HPSE2: variants seen among roughly 807,000 people sequenced by gnomAD.
HPSE2 encodes heparanase 2 (inactive), also known as inactive heparanase-2.
In HPSE2, 38 loss-of-function variants were observed where a neutral mutation model predicts 60.5. That is an observed-to-expected ratio of 0.63 (90% CI 0.48 to 0.82). The LOEUF is 0.82. HPSE2 is among the 40% of genes least tolerant of loss of function. The probability of loss-of-function intolerance (pLI) is 0.00; values close to 1 mark genes in which losing one functional copy is unlikely to be tolerated. For synonymous variants in HPSE2, 295 were observed against 293.2 expected, an observed-to-expected ratio of 1.01 and a Z score of -0.06; for missense variants, 713 against 740.4, an observed-to-expected ratio of 0.96 and a Z score of 0.43.
At chr10:98,929,697 T>C (rs529418598) in intron 3 of HPSE2, among the ~76,000 whole-genome samples, 1 of 143,946 alleles carries the variant, frequency 6.9e-6, no homozygotes, top group Non-Finnish European at 1.5e-5. Context: ...TCTATTTCGA[T>C]AAAGAAAGTC....
intron 3 of HPSE2, among the ~76,000 whole-genome samples, chr10:98,882,425 C>A (rs770497111): frequency 6.6e-6 from 1 of 151,830 alleles, no homozygotes; most frequent in Non-Finnish European, 1.5e-5. Context: ...GAGTCAGTTG[C>A]GGCTCTGCTG....
At chr10:99,266,051 CT>C in the HPSE2 span, among the ~76,000 whole-genome samples, 12 of 152,330 alleles carry the variant, frequency 7.9e-5, no homozygotes, top group African/African-American at 2.9e-4. Flanking sequence ...ACCAGAGGAA[CT>C]GGGAAAAGAC....
At chr10:98,849,858 C>G (rs970391267) in intron 3 of HPSE2, among the ~76,000 whole-genome samples, 1 of 152,200 alleles carries the variant, frequency 6.6e-6, no homozygotes, top group Non-Finnish European at 1.5e-5. Flanking sequence ...GATTCTCCTG[C>G]CTCAGCCTCC....
chr10:99,039,318 A>AGTT lies in HPSE2; in HGVS notation c.610+104917_610+104919dup, dbSNP rs112864428. Among the ~76,000 whole-genome samples the AGTT allele has an allele frequency of 1.9e-3, 291 of 152,092 alleles. 1 individual carries two copies. The highest frequency in any genetic ancestry group is 6.9e-3 in the African/African-American group (286 of 41,442). Reference sequence around the variant, plus strand: ...CATTCTGAGTAGATACATAGATCTAAGTTTTCACTCCTTGCTACCACTTAT... The same window carrying AGTT: ...CATTCTGAGTAGATACATAGATCTAAGTTGTTTTCACTCCTTGCTACCACTTAT... On this transcript the variant is annotated intron_variant, in intron 3 of 11. Coordinates refer to ENST00000370552, the MANE Select transcript of HPSE2 (RefSeq NM_021828.5).
At chr10:98,547,548 C>A (rs1320024614) in intron 9 of HPSE2, among the ~76,000 whole-genome samples, 1 of 146,438 alleles carries the variant, frequency 6.8e-6, no homozygotes, top group African/African-American at 2.5e-5. Flanking sequence ...AGTAAACTAT[C>A]GCAAGGACAA....
At chr10:98,555,140 A>G (rs990296826) in intron 9 of HPSE2, among the ~76,000 whole-genome samples, 9 of 152,214 alleles carry the variant, frequency 5.9e-5, no homozygotes, top group African/African-American at 2.2e-4. Flanking sequence ...TGTTCCTTTC[A>G]GCTCTAAGGA....
chr10:99,226,236 CCACCTAAGTCT>C (rs1457171321), intron 2 of HPSE2, among the ~76,000 whole-genome samples: 2 of 151,980 alleles, frequency 1.3e-5, no homozygotes, highest in Non-Finnish European at 2.9e-5. Flanking sequence ...TATCTAACTC[CCACCTAAGTCT>C]CACCAGCATT....
Position 98,462,661 on chromosome 10 carries a change from T to C in HPSE2, c.1614-2922A>G, listed in dbSNP as rs1044914402. Reference sequence around the variant, plus strand: ...CTGGATGGCGTTTTGTTTTCGTTTTTGTTTTTGTTTTTTTGAGAGGGAGCC... The same window carrying C: ...CTGGATGGCGTTTTGTTTTCGTTTTCGTTTTTGTTTTTTTGAGAGGGAGCC... On this transcript the variant is annotated intron_variant, in intron 11 of 11. Coordinates refer to ENST00000370552, the MANE Select transcript of HPSE2 (RefSeq NM_021828.5). Among the ~76,000 whole-genome samples the C allele has an allele frequency of 1.4e-4, 21 of 150,118 alleles. No individual in the cohort carries two copies. The East Asian group carries it at 2.5e-3, about 18-fold the overall frequency.
Position 98,502,277 on chromosome 10 carries a change from G to A in HPSE2, c.1321-12081C>T, listed in dbSNP as rs570590916. The stretch of plus-strand genomic sequence containing the variant: ...CAAAAAGAACAAATTGAGAGGCATC[G>A]CACACTACCTGATTTCAAACTATAC... On this transcript the variant is annotated intron_variant, in intron 9 of 11. Coordinates refer to ENST00000370552, the MANE Select transcript of HPSE2 (RefSeq NM_021828.5). Among the ~76,000 whole-genome samples, 24 of 152,106 alleles carry A rather than the reference G, an allele frequency of 1.6e-4. No individual in the cohort carries two copies. The South Asian group carries it at 3.3e-3, about 21-fold the overall frequency.
intron 2 of HPSE2, among the ~76,000 whole-genome samples, chr10:99,190,014 T>C (rs1012666951): frequency 2.6e-5 from 4 of 152,176 alleles, no homozygotes; most frequent in Non-Finnish European, 4.4e-5. Flanking sequence ...ATCTCCACTG[T>C]CTTTCTCTCT....
At chr10:98,636,322 C>T (rs1226304270) in intron 7 of HPSE2, among the ~76,000 whole-genome samples, 2 of 151,838 alleles carry the variant, frequency 1.3e-5, no homozygotes, top group Non-Finnish European at 2.9e-5. Context: ...TCACTGCAAC[C>T]TCCGCCTCCT....
At chr10:98,976,124 T>C (rs954072231) in intron 3 of HPSE2, among the ~76,000 whole-genome samples, 7 of 152,282 alleles carry the variant, frequency 4.6e-5, no homozygotes, top group African/African-American at 1.2e-4. Context: ...ATCTCTGAGA[T>C]AGACTTTTGG....
chr10:98,656,352 TG>T (rs982688465), intron 6 of HPSE2, among the ~76,000 whole-genome samples: 6 of 152,212 alleles, frequency 3.9e-5, no homozygotes, highest in Admixed American at 3.9e-4. Context: ...CCCAAAGTGC[TG>T]GGATTACAGG....
At chr10:98,638,360 G>A (rs557206789) in intron 7 of HPSE2, among the ~76,000 whole-genome samples, 1 of 150,104 alleles carries the variant, frequency 6.7e-6, no homozygotes, top group South Asian at 2.1e-4. Flanking sequence ...CAGGAGAAAG[G>A]TGTGAACCCG....
At chr10:98,665,457 A>C (rs1947337145) in intron 6 of HPSE2, among the ~76,000 whole-genome samples, 1 of 152,188 alleles carries the variant, frequency 6.6e-6, no homozygotes, top group African/African-American at 2.4e-5. Context: ...AGACCATGTA[A>C]GACAACCATC....
At chr10:98,624,116 A>G (rs1946144022) in intron 7 of HPSE2, among the ~76,000 whole-genome samples, 1 of 152,234 alleles carries the variant, frequency 6.6e-6, no homozygotes, top group Non-Finnish European at 1.5e-5. Flanking sequence ...GCAATGAAGC[A>G]TAACAAGTTT....
intron 3 of HPSE2, among the ~76,000 whole-genome samples, chr10:98,915,690 A>C (rs1954101116): frequency 6.6e-6 from 1 of 152,214 alleles, no homozygotes. Flanking sequence ...TGAAAACTTG[A>C]TAAAATGCTC....
At chr10:98,980,383 A>G (rs1485782722) in intron 3 of HPSE2, among the ~76,000 whole-genome samples, 1 of 152,198 alleles carries the variant, frequency 6.6e-6, no homozygotes, top group Non-Finnish European at 1.5e-5. Flanking sequence ...AACAGAGTGT[A>G]ATTGAGCAAG....
the HPSE2 span, among the ~76,000 whole-genome samples, chr10:99,287,390 C>T: frequency 1.3e-5 from 2 of 152,158 alleles, no homozygotes; most frequent in Admixed American, 6.5e-5. Flanking sequence ...ACCAGGCCAA[C>T]ATGGAGTGTC....
Sources: gnomAD v4.1 joint callset for allele counts (sites outside exome capture counted in the v4.1 genomes callset) on GRCh38, gnomAD v4.1.1 for gene constraint, MANE v1.5 for transcripts, NCBI Gene and HGNC (gene_info 2026-07-23, HGNC 2026-07-21) for gene names.